KCNIP4: variants seen among roughly 807,000 people sequenced by gnomAD.
KCNIP4 encodes potassium voltage-gated channel interacting protein 4.
Under a neutral mutation model 34.0 loss-of-function variants are expected in KCNIP4, and 12 were observed. The observed-to-expected ratio is 0.35, with a 90% CI of 0.23 to 0.57. KCNIP4 has a LOEUF of 0.57. Among genes scored for constraint, KCNIP4 ranks in the 20% least tolerant of loss-of-function variants. The probability of loss-of-function intolerance (pLI) is 0.83; values close to 1 mark genes in which losing one functional copy is unlikely to be tolerated. For synonymous variants in KCNIP4, 124 were observed against 102.2 expected (o/e 1.21, Z -1.29); for missense variants, 238 against 311.7 (o/e 0.76, Z 1.78).
intron 1 of KCNIP4, among the ~76,000 whole-genome samples, chr4:21,273,389 G>A (rs1484722584): frequency 6.6e-6 from 1 of 152,094 alleles, no homozygotes. Context: ...CCCACAGAAA[G>A]TCTGACTTCC....
At position 21,854,715 on chromosome 4, in the gene KCNIP4, G is replaced by A. The variant is rs532269956; in HGVS notation, c.61+93856C>T. Among the ~76,000 whole-genome samples the A allele has an allele frequency of 1.1e-4, 17 of 152,252 alleles. 1 individual carries two copies. The highest frequency in any genetic ancestry group is 3.1e-4 in the African/African-American group (13 of 41,554). On this transcript the variant is annotated intron_variant, in intron 1 of 8. Coordinates refer to ENST00000382152, the MANE Select transcript of KCNIP4 (RefSeq NM_025221.6). ...TTGACTCCTAAACCATATTCTAAGC[G>A]ATTGTGTTGAGCCTTGACATCTCTT...
intron 1 of KCNIP4, among the ~76,000 whole-genome samples, chr4:20,961,402 G>C (rs559750368): frequency 6.6e-6 from 1 of 152,044 alleles, no homozygotes; most frequent in Non-Finnish European, 1.5e-5. Context: ...GAGTTTAAAA[G>C]AATCTTATGG....
At chr4:20,886,337 G>A (rs535063286) in intron 1 of KCNIP4, among the ~76,000 whole-genome samples, 1 of 152,334 alleles carries the variant, frequency 6.6e-6, no homozygotes, top group South Asian at 2.1e-4. Flanking sequence ...CATAGTCACT[G>A]AGCTGAAGTG....
rs1332814565 is a variant in KCNIP4, at chr4:21,757,194, GGAAGGAAAGAAA to G, written c.61+191365_61+191376del. On this transcript the variant is annotated intron_variant, in intron 1 of 8. Coordinates refer to ENST00000382152, the MANE Select transcript of KCNIP4 (RefSeq NM_025221.6). Reference sequence around the variant, plus strand: ...AGGAAGGAAGGAAGGAAGGAAGGAAGGAAGGAAAGAAAGAAAGAAAGAAAGAAAGAAAGAAAG... The same window carrying G: ...AGGAAGGAAGGAAGGAAGGAAGGAAGGAAAGAAAGAAAGAAAGAAAGAAAG... 3.0e-3 allele frequency among the ~76,000 whole-genome samples: 118 copies of G among 39,442 alleles called. 5 individuals carry two copies. The highest frequency in any genetic ancestry group is 0.011 in the South Asian group (18 of 1,580). 25.9% of individuals were successfully genotyped at this position (39,442 alleles called of 152,430 possible).
intron 1 of KCNIP4, among the ~76,000 whole-genome samples, chr4:21,717,508 TA>T (rs1714477164): frequency 1.3e-5 from 2 of 152,266 alleles, no homozygotes; most frequent in South Asian, 4.1e-4. Context: ...TTTGTTTTTG[TA>T]AGAATTTGGC....
At position 21,501,688 on chromosome 4, in the gene KCNIP4, TTG is replaced by T. The variant is rs370071298; in HGVS notation, c.61+446881_61+446882del. ...TTCACATTTTGGGAATGCAGAAGCC[TTG>T]TGTGTGTGTGTGTGTGTGTGTGTGT... is the stretch of plus-strand genomic sequence containing the variant. On this transcript the variant is annotated intron_variant, in intron 1 of 8. Coordinates refer to ENST00000382152, the MANE Select transcript of KCNIP4 (RefSeq NM_025221.6). Among the ~76,000 whole-genome samples the T allele has an allele frequency of 2.6e-3, 328 of 127,190 alleles. 2 individuals are homozygous for T. Among genetic ancestry groups the T allele is most frequent in the African/African-American group, 7.7e-3 (250 of 32,328 alleles). The allele number at this position is 127,190 out of a possible 152,430, so 83.4% of individuals were successfully genotyped here.
chr4:21,449,081 T>C (rs1156952039), intron 1 of KCNIP4, among the ~76,000 whole-genome samples: 1 of 152,150 alleles, frequency 6.6e-6, no homozygotes, highest in African/African-American at 2.4e-5. Flanking sequence ...GGCCTAGCAG[T>C]CAGGGGCCCA....
At chr4:21,081,174 T>C (rs1359546929) in intron 1 of KCNIP4, among the ~76,000 whole-genome samples, 1 of 151,776 alleles carries the variant, frequency 6.6e-6, no homozygotes, top group Non-Finnish European at 1.5e-5. Context: ...AATGAACATT[T>C]CTGAACTTCT....
Position 21,875,917 on chromosome 4 carries a change from T to C in KCNIP4, c.61+72654A>G, listed in dbSNP as rs529751793. 6.6e-5 allele frequency among the ~76,000 whole-genome samples: 10 copies of C among 152,228 alleles called. No individual in the cohort carries two copies. In the South Asian group the frequency reaches 1.9e-3, roughly 28 times the overall value. ...ATACAAGCTTATTGACTTAGAGGCATTTCAGGACAAGTAAAATACATTCAA... is the reference window on the plus strand; with the variant it reads ...ATACAAGCTTATTGACTTAGAGGCACTTCAGGACAAGTAAAATACATTCAA... On this transcript the variant is annotated intron_variant, in intron 1 of 8. Coordinates refer to ENST00000382152, the MANE Select transcript of KCNIP4 (RefSeq NM_025221.6).
At chr4:21,682,616 C>T (rs1577835052) in intron 1 of KCNIP4, among the ~76,000 whole-genome samples, 1 of 152,180 alleles carries the variant, frequency 6.6e-6, no homozygotes, top group Non-Finnish European at 1.5e-5. Flanking sequence ...GACATGCCCT[C>T]CTCATTAAGC....
chr4:21,367,723 T>C (rs1193644018), intron 1 of KCNIP4, among the ~76,000 whole-genome samples: 2 of 147,562 alleles, frequency 1.4e-5, no homozygotes, highest in Non-Finnish European at 2.9e-5. Context: ...TACATCTGTG[T>C]AGGAGTTCCT....
rs1433415283 is a variant in KCNIP4 at position 21,333,889 on chromosome 4, C to T, written c.62-451180G>A. On this transcript the variant is annotated intron_variant, in intron 1 of 8. Transcript: ENST00000382152. ...AATCTTCTGCTGTTCTTTAATAACT[C>T]GGTGCAAAAACTTCGGAAATTTTTA... 3.3e-5 allele frequency among the ~76,000 whole-genome samples: 5 copies of T among 152,210 alleles called. No individual in the cohort carries two copies. The East Asian group carries it at 9.7e-4, about 29-fold the overall frequency.
intron 1 of KCNIP4, among the ~76,000 whole-genome samples, chr4:21,375,503 A>G (rs943314516): frequency 2.0e-5 from 3 of 152,222 alleles, no homozygotes; most frequent in Non-Finnish European, 2.9e-5. Context: ...CCAGGGGTAT[A>G]GTGCATTTGA....
At chr4:21,845,262 T>C (rs1723940906) in intron 1 of KCNIP4, 1 of 152,114 alleles carries the variant, frequency 6.6e-6, no homozygotes, top group African/African-American at 2.4e-5. Context: ...TACTCAACTC[T>C]GCTGGCATAG....
chr4:21,855,700 C>T (rs1431094890), intron 1 of KCNIP4: 1 of 152,212 alleles, frequency 6.6e-6, no homozygotes, highest in Non-Finnish European at 1.5e-5. Context: ...CGCTAGCCCA[C>T]TCTTTATTCT....
intron 1 of KCNIP4, among the ~76,000 whole-genome samples, chr4:21,903,744 A>G (rs933416516): frequency 9.9e-5 from 15 of 152,154 alleles, no homozygotes; most frequent in African/African-American, 3.6e-4. Flanking sequence ...CTATTGAATC[A>G]TAAATGGAAG....
intron 1 of KCNIP4, among the ~76,000 whole-genome samples, chr4:21,771,155 A>C (rs1020197982): frequency 2.6e-5 from 4 of 152,204 alleles, no homozygotes; most frequent in Non-Finnish European, 5.9e-5. Flanking sequence ...AGTTTTCTGC[A>C]TATGGCTAGC....
intron 1 of KCNIP4, among the ~76,000 whole-genome samples, chr4:21,279,582 AT>A (rs1762652524): frequency 1.3e-5 from 2 of 150,824 alleles, no homozygotes; most frequent in Non-Finnish European, 1.5e-5. Flanking sequence ...AAGAGCTAAT[AT>A]TAAATATATT....
intron 1 of KCNIP4, among the ~76,000 whole-genome samples, chr4:21,126,982 T>C (rs1332696960): frequency 1.3e-5 from 2 of 152,200 alleles, no homozygotes; most frequent in East Asian, 3.8e-4. Context: ...TCCTAAATTC[T>C]CACCTGACCT....
Sources: gnomAD v4.1 joint callset for allele counts (sites outside exome capture counted in the v4.1 genomes callset) on GRCh38, gnomAD v4.1.1 for gene constraint, MANE v1.5 for transcripts, NCBI Gene and HGNC (gene_info 2026-07-23, HGNC 2026-07-21) for gene names.